Variants in LRRK2 observed in about 807,000 individuals in gnomAD.
LRRK2 encodes the protein leucine-rich repeat serine/threonine-protein kinase 2.
LRRK2 carries 203 observed loss-of-function variants against 302.6 expected under a neutral mutation model. The ratio of observed to expected loss-of-function variants is 0.67; its 90% CI spans 0.60 to 0.75. LRRK2 has a LOEUF of 0.75. Ranked by LOEUF, LRRK2 falls within the 30% of genes least tolerant of loss-of-function variation. The probability of loss-of-function intolerance (pLI) is 0.00; values close to 1 mark genes in which losing one functional copy is unlikely to be tolerated. For missense variants in LRRK2, 2,830 were observed against 2,951.0 expected (o/e 0.96, Z 0.95); for synonymous variants, 1,066 against 1,031.9 (o/e 1.03, Z -0.63).
intron 20 of LRRK2, among the ~76,000 whole-genome samples, chr12:40,288,548 A>G (rs372699810): frequency 6.6e-6 from 1 of 151,938 alleles, no homozygotes; most frequent in Admixed American, 6.6e-5. Flanking sequence ...TGATTGTACT[A>G]TGTTCTACCC....
At chr12:40,283,727 C>A in intron 18 of LRRK2, 148 bp from the exon 19 acceptor site, 1 of 632,830 alleles carries the variant, frequency 1.6e-6, no homozygotes, top group Non-Finnish European at 2.7e-6. Context: ...TTTTCCCAAT[C>A]TATTCAAGGA....
intron 20 of LRRK2, among the ~76,000 whole-genome samples, chr12:40,293,196 AT>A (rs1944227675): frequency 1.3e-5 from 2 of 152,036 alleles, no homozygotes; most frequent in African/African-American, 4.8e-5. Context: ...GTTATAACTT[AT>A]GTAACCGTTG....
chr12:40,230,040 A>T lies in LRRK2; in HGVS notation c.238-2234A>T, dbSNP rs1170785166. On this transcript the variant is annotated intron_variant, in intron 2 of 50. Transcript: ENST00000298910. ...TTAAATAGTTCGGAAAAAAGTCTTG[A>T]TGTATTCTATGAAAGCACAAAAATA... is the stretch of plus-strand genomic sequence containing the variant. Among the ~76,000 whole-genome samples the T allele has an allele frequency of 3.8e-5, 5 of 130,766 alleles. No individual in the cohort carries two copies. The East Asian group carries it at 1.0e-3, about 27-fold the overall frequency. 85.8% of individuals were successfully genotyped at this position (130,766 alleles called of 152,430 possible). A position where few individuals can be genotyped will look rare whatever the true frequency, so the allele number is the denominator to read the frequency against.
rs11564270 is a variant in LRRK2, at chr12:40,287,684, A to G, written c.2689+145A>G. The G allele has an allele frequency of 0.08, 62,788 of 781,798 alleles. 3,279 individuals carry two copies. The highest frequency in any genetic ancestry group is 0.1 in the Non-Finnish European group (50,565 of 487,740). The allele number at this position is 781,798 out of a possible 1,614,324, so 48.4% of individuals were successfully genotyped here. On this transcript the variant is annotated intron_variant, in intron 20 of 50. Coordinates refer to ENST00000298910, the MANE Select transcript of LRRK2 (RefSeq NM_198578.4). ...ATTATCGCAAACAGTTAAGTTTACT[A>G]ATTTTGGTTAAAGTGATGGGTCAAG...
chr12:40,340,485 T>C lies in LRRK2; in HGVS notation c.6109+31T>C, dbSNP rs1232171279. ...TGATCAGGTCTGTCTCATAATTCTA[T>C]CTTCAGGATGGATAACCACTGACCT... On this transcript the variant is annotated intron_variant, in intron 41 of 50. Transcript: ENST00000298910. 1.9e-6 allele frequency: 3 copies of C among 1,611,498 alleles called. No homozygotes were observed. The Admixed American group carries it at 5.0e-5, about 27-fold the overall frequency.
intron 16 of LRRK2, among the ~76,000 whole-genome samples, 192 bp from the exon 17 acceptor site, chr12:40,277,696 A>G (rs371482512): frequency 1.3e-5 from 2 of 152,110 alleles, no homozygotes; most frequent in African/African-American, 4.8e-5. Flanking sequence ...TGTGCCTGCT[A>G]TATTTCTTAG....
intron 7 of LRRK2, among the ~76,000 whole-genome samples, chr12:40,245,292 C>A (rs1941929803): frequency 6.6e-6 from 1 of 151,966 alleles, no homozygotes; most frequent in Non-Finnish European, 1.5e-5. Context: ...CATCACAGCA[C>A]AATTTATTAG....
Position 40,310,549 on chromosome 12 carries a change from T to A in LRRK2, c.4436T>A (p.Phe1479Tyr). 13 of 1,610,854 alleles carry A rather than the reference T, an allele frequency of 8.1e-6. No homozygotes were observed. The highest frequency in any genetic ancestry group is 1.0e-5 in the Non-Finnish European group (12 of 1,179,138). Residue 1479 changes from phenylalanine to tyrosine, a missense_variant, in exon 31 of 51, where the codon TTC becomes TAC. Transcript: ENST00000298910. ...ITKELLNKRG[F>Y]PAIRDYHFVN... ...AAGGAACTCCTGAATAAGCGAGGGT[T>A]CCCTGCCATACGAGATTACCACTTT...
intron 18 of LRRK2, among the ~76,000 whole-genome samples, chr12:40,283,192 C>T (rs1281107721): frequency 2.0e-5 from 3 of 152,158 alleles, no homozygotes; most frequent in African/African-American, 7.2e-5. Flanking sequence ...GTAGGGCCAG[C>T]ATGCAGTGCC....
intron 34 of LRRK2, among the ~76,000 whole-genome samples, chr12:40,320,526 A>G (rs1241390904): frequency 1.3e-5 from 2 of 151,926 alleles, no homozygotes; most frequent in Non-Finnish European, 2.9e-5. Context: ...AAGTTCTGAG[A>G]AGATAGTGAG....
At chr12:40,301,906 C>T (rs1306310305) in intron 25 of LRRK2, among the ~76,000 whole-genome samples, 10 of 152,268 alleles carry the variant, frequency 6.6e-5, no homozygotes, top group Admixed American at 5.9e-4. Context: ...AGGCCAGGCA[C>T]GGTGGCTCAT....
intron 32 of LRRK2, among the ~76,000 whole-genome samples, 157 bp downstream of exon 32, chr12:40,314,330 G>A (rs1945138712): frequency 6.6e-6 from 1 of 151,996 alleles, no homozygotes; most frequent in Non-Finnish European, 1.5e-5. Flanking sequence ...ATCATCATGT[G>A]TGTTCATGAC....
intron 16 of LRRK2, 112 bp from the exon 17 acceptor site, chr12:40,277,776 G>T (rs1219852239): frequency 2.0e-6 from 2 of 1,009,724 alleles, no homozygotes; most frequent in Non-Finnish European, 2.9e-6. Flanking sequence ...TATATCTATA[G>T]TTAAATGAAC....
rs1211416483 is a variant in LRRK2, at chr12:40,367,865, G to A, written c.*100G>A. 2 of 1,107,402 alleles carry A rather than the reference G, an allele frequency of 1.8e-6. No individual in the cohort carries two copies. Among genetic ancestry groups the A allele is most frequent in the South Asian group, 1.7e-5 (1 of 60,142 alleles). 68.6% of individuals were successfully genotyped at this position (1,107,402 alleles called of 1,614,324 possible). A position where few individuals can be genotyped will look rare whatever the true frequency, so the allele number is the denominator to read the frequency against. ...CATGGAAAGGGTACTCACATTTTTT[G>A]AAATAGCTCGTGTGTATGAAGGAAT... On this transcript the variant is annotated 3_prime_UTR_variant, in exon 51 of 51. Coordinates refer to ENST00000298910, the MANE Select transcript of LRRK2 (RefSeq NM_198578.4).
chr12:40,312,009 T>C (rs890021617), intron 31 of LRRK2, among the ~76,000 whole-genome samples: 1 of 152,036 alleles, frequency 6.6e-6, no homozygotes, highest in Non-Finnish European at 1.5e-5. Context: ...AACTTTGTTG[T>C]TACTGAGAAT....
chr12:40,315,073 T>C, intron 32 of LRRK2, 139 bp from the exon 33 acceptor site: 1 of 731,490 alleles, frequency 1.4e-6, no homozygotes, highest in East Asian at 2.6e-5. Context: ...GATGCACAGC[T>C]TCTAGTCCCA....
Position 40,363,527 on chromosome 12 carries a change from G to A in LRRK2, c.7154G>A (p.Gly2385Glu), listed in dbSNP as rs781535658. The A allele has an allele frequency of 1.2e-6, 2 of 1,611,776 alleles. No homozygotes were observed. The highest frequency in any genetic ancestry group is 1.7e-6 in the Non-Finnish European group (2 of 1,178,556). Reference protein sequence around the residue: ...VWDKKTEKLCGLIDCVHFLRE... With the variant: ...VWDKKTEKLCELIDCVHFLRE... ...GATAAGAAAACTGAAAAACTCTGTG[G>A]ACTAATAGACTGCGTGCACTTTTTA... The change falls in exon 48 of 51, where the codon GGA becomes GAA. Residue 2385 changes from glycine to glutamate, a missense_variant. Gly to Glu is a moderately conservative substitution (Grantham distance 98). This residue lies in a region of LRRK2 where 456 missense variants were observed against 456.3 expected (regional missense o/e 1.00). Coordinates refer to ENST00000298910, the MANE Select transcript of LRRK2 (RefSeq NM_198578.4).
At position 40,298,344 on chromosome 12, in the gene LRRK2, T is replaced by C; in HGVS notation, c.3198T>C (p.Ser1066=). Residue 1066 remains serine, a synonymous_variant, in exon 24 of 51, where the codon TCT becomes TCC. Coordinates refer to ENST00000298910, the MANE Select transcript of LRRK2 (RefSeq NM_198578.4). The part of the protein sequence containing the change: ...KMSCIANLDV[S]RNDIGPSVVL... ...GTTGTATTGCTAATCTTGATGTCTCTCGAAATGACATTGGACCCTCAGTGG... is the reference window on the plus strand; with the variant it reads ...GTTGTATTGCTAATCTTGATGTCTCCCGAAATGACATTGGACCCTCAGTGG... 6.2e-7 allele frequency: 1 copy of C among 1,613,992 alleles called. No homozygotes were observed. The highest frequency in any genetic ancestry group is 8.5e-7 in the Non-Finnish European group (1 of 1,179,968).
rs550441220 is a variant in LRRK2 at position 40,225,260 on chromosome 12, G to C, written c.129G>C (p.Leu43=). 1.6e-5 allele frequency: 26 copies of C among 1,614,028 alleles called. No individual in the cohort carries two copies. The highest frequency in any genetic ancestry group is 2.2e-5 in the Non-Finnish European group (26 of 1,180,018). The stretch of plus-strand genomic sequence containing the variant: ...TGGTCCAAATCCTGGAGGATCTGCT[G>C]GTGTTCACGTACTCCGAGCGCGGTA... ...ETLVQILEDL[L]VFTYSERASK... Residue 43 remains leucine, a synonymous_variant, in exon 1 of 51, where the codon CTG becomes CTC. Transcript: ENST00000298910.
Sources: allele counts gnomAD v4.1 joint callset (sites outside exome capture counted in the v4.1 genomes callset), GRCh38; gene constraint gnomAD v4.1.1; regional missense constraint gnomAD v4.1.1; transcripts MANE v1.5; gene names NCBI Gene and HGNC (gene_info 2026-07-23, HGNC 2026-07-21).